Variants in CDH10 observed in about 807,000 individuals in gnomAD.
CDH10 encodes the protein cadherin 10.
A neutral mutation model predicts 73.1 loss-of-function variants in CDH10; 30 were observed. The observed-to-expected ratio is 0.41, with a 90% CI of 0.31 to 0.56. CDH10 has a LOEUF of 0.56. Among genes scored for constraint, CDH10 ranks in the 20% least tolerant of loss-of-function variants. The probability of loss-of-function intolerance (pLI) is 0.27; values close to 1 mark genes in which losing one functional copy is unlikely to be tolerated. For synonymous variants in CDH10, 345 were observed against 348.2 expected (o/e 0.99, Z 0.10); for missense variants, 815 against 973.7 (o/e 0.84, Z 2.17).
At chr5:24,587,736 A>G (rs1467398804) in intron 2 of CDH10, among the ~76,000 whole-genome samples, 1 of 60,862 alleles carries the variant, frequency 1.6e-5, no homozygotes, top group Non-Finnish European at 6.4e-5. Flanking sequence ...ATAGATATAA[A>G]TGTTTTATTT....
At chr5:24,574,993 T>G (rs540673368) in intron 2 of CDH10, among the ~76,000 whole-genome samples, 6 of 152,204 alleles carry the variant, frequency 3.9e-5, no homozygotes, top group Non-Finnish European at 7.4e-5. Flanking sequence ...TACACAAGTC[T>G]GTTTTCAGGT....
intron 5 of CDH10, among the ~76,000 whole-genome samples, chr5:24,515,889 T>A (rs1266273637): frequency 8.3e-6 from 1 of 119,770 alleles, no homozygotes; most frequent in African/African-American, 3.0e-5. Context: ...ATCTGATGGT[T>A]TTATACAGGG....
intron 1 of CDH10, among the ~76,000 whole-genome samples, chr5:24,600,380 C>T (rs1235030460): frequency 6.6e-6 from 1 of 152,118 alleles, no homozygotes; most frequent in Admixed American, 6.6e-5. Flanking sequence ...ATTATTCCTT[C>T]AGCAATGTCT....
intron 8 of CDH10, among the ~76,000 whole-genome samples, chr5:24,502,461 T>C (rs1742535816): frequency 6.6e-6 from 1 of 152,120 alleles, no homozygotes; most frequent in Non-Finnish European, 1.5e-5. Context: ...AAAGTCAGTG[T>C]TTAAAGTCTA....
At chr5:24,598,980 T>A (rs969340941) in intron 1 of CDH10, among the ~76,000 whole-genome samples, 14 of 152,090 alleles carry the variant, frequency 9.2e-5, no homozygotes, top group African/African-American at 3.4e-4. Context: ...ATGAGGCACA[T>A]AACTTCATGT....
intron 2 of CDH10, among the ~76,000 whole-genome samples, chr5:24,569,901 C>A (rs1005041167): frequency 1.3e-5 from 2 of 151,882 alleles, no homozygotes; most frequent in Non-Finnish European, 2.9e-5. Context: ...TTGCATGGGA[C>A]GACAGGCGCG....
At chr5:24,627,486 A>G (rs1391734476) in intron 1 of CDH10, among the ~76,000 whole-genome samples, 3 of 152,180 alleles carry the variant, frequency 2.0e-5, no homozygotes, top group African/African-American at 7.2e-5. Flanking sequence ...ACATGCATGT[A>G]TATTTAAACA....
chr5:24,640,900 C>A (rs1014635016), intron 1 of CDH10, among the ~76,000 whole-genome samples: 1 of 151,674 alleles, frequency 6.6e-6, no homozygotes, highest in African/African-American at 2.4e-5. Flanking sequence ...TTAAAAAAAT[C>A]AAGAGTTACT....
intron 2 of CDH10, among the ~76,000 whole-genome samples, chr5:24,547,565 G>T (rs1427398848): frequency 1.1e-4 from 16 of 152,138 alleles, no homozygotes; most frequent in African/African-American, 3.4e-4. Context: ...CACATTGCCA[G>T]TCTTCCCCAA....
intron 1 of CDH10, among the ~76,000 whole-genome samples, chr5:24,639,465 A>G (rs1505890): frequency 0.61 from 92,353 of 151,528 alleles, 31,668 homozygotes; most frequent in Admixed American, 0.75. Flanking sequence ...TTGTATTTAT[A>G]CATATTACAT....
intron 1 of CDH10, among the ~76,000 whole-genome samples, chr5:24,641,836 A>AT (rs1748060183): frequency 6.6e-6 from 1 of 152,084 alleles, no homozygotes; most frequent in Admixed American, 6.6e-5. Flanking sequence ...TTGAAACCCT[A>AT]TTCCAGATAA....
chr5:24,491,018 T>C (rs1742033858), intron 11 of CDH10, among the ~76,000 whole-genome samples: 3 of 152,120 alleles, frequency 2.0e-5, no homozygotes, highest in Admixed American at 2.0e-4. Context: ...CCTACTTGAT[T>C]CCCGTATGGA....
At position 24,545,513 on chromosome 5, in the gene CDH10, T is replaced by C. The variant is rs560781814; in HGVS notation, c.232-7839A>G. On this transcript the variant is annotated intron_variant, in intron 2 of 11. Coordinates refer to ENST00000264463, the MANE Select transcript of CDH10 (RefSeq NM_006727.5). Reference sequence around the variant, plus strand: ...AACGCAGGTGAGGGCTCAGTGTAAGTATTCACTAAGGAGCCTTTCAGGCCT... The same window carrying C: ...AACGCAGGTGAGGGCTCAGTGTAAGCATTCACTAAGGAGCCTTTCAGGCCT... 4.6e-5 allele frequency among the ~76,000 whole-genome samples: 7 copies of C among 152,198 alleles called. No homozygotes were observed. In the South Asian group the frequency reaches 6.3e-4, roughly 14 times the overall value.
At chr5:24,574,695 G>A (rs1472501442) in intron 2 of CDH10, among the ~76,000 whole-genome samples, 1 of 69,652 alleles carries the variant, frequency 1.4e-5, no homozygotes, top group East Asian at 7.2e-4. Context: ...TCCTATTGAA[G>A]GAACTTCAGA....
chr5:24,506,935 C>T lies in CDH10; in HGVS notation c.1257-1687G>A, dbSNP rs532477348. Among the ~76,000 whole-genome samples the T allele has an allele frequency of 3.3e-5, 5 of 152,242 alleles. No individual in the cohort carries two copies. The South Asian group carries it at 8.3e-4, about 25-fold the overall frequency. ...GAAGAAGTAATGACAAAATTTTGAA[C>T]ATTATGTGGCATTATCTTGCAGATA... On this transcript the variant is annotated intron_variant, in intron 7 of 11. Transcript: ENST00000264463.
At position 24,636,600 on chromosome 5, in the gene CDH10, A is replaced by T. The variant is rs370150242; in HGVS notation, c.-124+7994T>A. On this transcript the variant is annotated intron_variant, in intron 1 of 11. Transcript: ENST00000264463. ...GCTCCTGTTCGTAAAAATTTTCTGT[A>T]TACCAAACTCCCATAACACACAATA... Among the ~76,000 whole-genome samples the T allele has an allele frequency of 3.3e-5, 5 of 152,046 alleles. No individual in the cohort carries two copies. The East Asian group carries it at 7.7e-4, about 24-fold the overall frequency.
intron 2 of CDH10, among the ~76,000 whole-genome samples, chr5:24,563,481 C>T (rs1745036672): frequency 6.8e-6 from 1 of 147,984 alleles, no homozygotes; most frequent in Non-Finnish European, 1.5e-5. Context: ...AACAGCCGGG[C>T]GCGGTGGCTC....
intron 9 of CDH10, among the ~76,000 whole-genome samples, chr5:24,496,475 C>T (rs1231796448): frequency 3.3e-5 from 5 of 152,106 alleles, no homozygotes; most frequent in Non-Finnish European, 7.3e-5. Flanking sequence ...ACTAATATTA[C>T]ATCAGTTAAA....
chr5:24,494,757 T>C (rs758508494), intron 9 of CDH10, among the ~76,000 whole-genome samples: 2 of 152,074 alleles, frequency 1.3e-5, no homozygotes, highest in African/African-American at 2.4e-5. Context: ...TCAAATATTA[T>C]AGCACTATTG....
Sources: gnomAD v4.1 joint callset for allele counts (sites outside exome capture counted in the v4.1 genomes callset) on GRCh38, gnomAD v4.1.1 for gene constraint, MANE v1.5 for transcripts, NCBI Gene and HGNC (gene_info 2026-07-23, HGNC 2026-07-21) for gene names.